Variants in TRIM24 observed in about 807,000 individuals in gnomAD.
TRIM24 encodes tripartite motif containing 24, also known as transcription intermediary factor 1-alpha.
A neutral mutation model predicts 123.9 loss-of-function variants in TRIM24; 29 were observed. That is an observed-to-expected ratio of 0.23 (90% CI 0.17 to 0.32). The LOEUF (loss-of-function observed/expected upper bound fraction) is 0.32, where lower values mean the gene tolerates loss of function less well. Ranked by LOEUF, TRIM24 falls within the 10% of genes least tolerant of loss-of-function variation. The pLI, the probability that TRIM24 is intolerant of heterozygous loss-of-function variation, is 1.00. For missense variants in TRIM24, 932 were observed against 1,295.3 expected, an observed-to-expected ratio of 0.72 and a Z score of 4.31; for synonymous variants, 456 against 461.1, an observed-to-expected ratio of 0.99 and a Z score of 0.14.
At chr7:138,580,933 T>G (rs1350369512) in intron 16 of TRIM24, among the ~76,000 whole-genome samples, 1 of 152,224 alleles carries the variant, frequency 6.6e-6, no homozygotes, top group Non-Finnish European at 1.5e-5. Context: ...AGATGGAATA[T>G]GTACCCTAGA....
intron 5 of TRIM24, among the ~76,000 whole-genome samples, chr7:138,528,170 T>G (rs914142471): frequency 6.6e-6 from 1 of 152,206 alleles, no homozygotes; most frequent in East Asian, 1.9e-4. Flanking sequence ...GGTGTCTAGA[T>G]GGCTACAATC....
At chr7:138,499,752 G>C (rs759898542) in intron 1 of TRIM24, among the ~76,000 whole-genome samples, 45 of 152,016 alleles carry the variant, frequency 3.0e-4, no homozygotes, top group Non-Finnish European at 5.1e-4. Context: ...AGGCAACCTG[G>C]AGCACTGCCC....
At position 138,585,978 on chromosome 7, in the gene TRIM24, A is replaced by C. The variant is rs2116702001; in HGVS notation, c.*1027A>C. 2 of 488,812 alleles carry C rather than the reference A, an allele frequency of 4.1e-6. No individual in the cohort carries two copies. Among genetic ancestry groups the C allele is most frequent in the Non-Finnish European group, 8.2e-6 (2 of 243,916 alleles). 30.3% of individuals were successfully genotyped at this position (488,812 alleles called of 1,614,324 possible). A position where few individuals can be genotyped will look rare whatever the true frequency, so the allele number is the denominator to read the frequency against. On this transcript the variant is annotated 3_prime_UTR_variant, in exon 19 of 19. Transcript: ENST00000343526. Reference sequence around the variant, plus strand: ...GTGTTGTAGGATTTTGGGAGCAGGCAGCTGGGGGGAATTAATAGTGATTTT... The same window carrying C: ...GTGTTGTAGGATTTTGGGAGCAGGCCGCTGGGGGGAATTAATAGTGATTTT...
At position 138,509,019 on chromosome 7, in the gene TRIM24, G is replaced by A. The variant is rs764593283; in HGVS notation, c.483+4611G>A. Among the ~76,000 whole-genome samples the A allele has an allele frequency of 6.6e-5, 10 of 151,864 alleles. No individual in the cohort carries two copies. In the East Asian group the frequency reaches 7.8e-4, roughly 12 times the overall value. The stretch of plus-strand genomic sequence containing the variant: ...GCTGGAGTGCAGTGGCGTGATCTCC[G>A]CCCACTGCAACCTCCTCCTCCCAGG... On this transcript the variant is annotated intron_variant, in intron 2 of 18. Transcript: ENST00000343526.
In TRIM24 at chr7:138,525,235, C is replaced by A. The variant is rs1796584190; in HGVS notation, c.765-6C>A. The A allele has an allele frequency of 2.9e-6, 4 of 1,389,082 alleles. No homozygotes were observed. Among genetic ancestry groups the A allele is most frequent in the Non-Finnish European group, 2.9e-6 (3 of 1,038,698 alleles). The allele number at this position is 1,389,082 out of a possible 1,614,324, so 86.0% of individuals were successfully genotyped here. ...TTTATATGAAATAATTTGCTTATTTCTTCAGATACCAATTTATAGAAGAAG... is the reference window on the plus strand; with the variant it reads ...TTTATATGAAATAATTTGCTTATTTATTCAGATACCAATTTATAGAAGAAG... On this transcript the variant is annotated splice_polypyrimidine_tract_variant and splice_region_variant and intron_variant, in intron 4 of 18. Transcript: ENST00000343526.
intron 7 of TRIM24, among the ~76,000 whole-genome samples, chr7:138,547,042 A>G (rs10227693): frequency 0.78 from 118,256 of 152,108 alleles, 46,207 homozygotes; most frequent in Non-Finnish European, 0.82. Context: ...GTAAGTATTC[A>G]ACAGATAAAT....
chr7:138,538,732 C>T lies in TRIM24; in HGVS notation c.1072C>T (p.His358Tyr). The T allele has an allele frequency of 6.2e-7, 1 of 1,614,028 alleles. No individual in the cohort carries two copies. The highest frequency in any genetic ancestry group is 8.5e-7 in the Non-Finnish European group (1 of 1,179,938). ...GGCTGGACTCTCTAAACAATTGGAGCATGTCATGCATTTTTCTAAATGGGC... is the reference window on the plus strand; with the variant it reads ...GGCTGGACTCTCTAAACAATTGGAGTATGTCATGCATTTTTCTAAATGGGC... ...EVAGLSKQLEHVMHFSKWAVS... is the reference protein window; with the variant it reads ...EVAGLSKQLEYVMHFSKWAVS... The change falls in exon 7 of 19, where the codon CAT (histidine) becomes TAT (tyrosine). Residue 358 changes from histidine (H) to tyrosine (Y), a missense_variant. Coordinates refer to ENST00000343526, the MANE Select transcript of TRIM24 (RefSeq NM_015905.3).
rs192891114 is a variant in TRIM24, at chr7:138,570,863, A to G, written c.1738A>G (p.Thr580Ala). ...QISSGQGTPS[T>A]TNSTSSTPSS... The stretch of plus-strand genomic sequence containing the variant: ...CAGCAGTGGACAGGGAACCCCATCA[A>G]CTACCAACAGCACATCCTCTACTCC... Residue 580 changes from threonine to alanine, a missense_variant, in exon 11 of 19, where the codon ACT becomes GCT. Thr to Ala is a moderately conservative substitution (Grantham distance 58, BLOSUM62 0). This residue lies in a region of TRIM24 where 527 missense variants were observed against 691.3 expected (regional missense o/e 0.76). Transcript: ENST00000343526. 2 of 1,614,086 alleles carry G rather than the reference A, an allele frequency of 1.2e-6. No individual in the cohort carries two copies. Among genetic ancestry groups the G allele is most frequent in the Admixed American group, 3.3e-5 (2 of 60,008 alleles).
chr7:138,477,366 G>C (rs1466958451), intron 1 of TRIM24, among the ~76,000 whole-genome samples: 1 of 152,050 alleles, frequency 6.6e-6, no homozygotes, highest in Admixed American at 6.6e-5. Context: ...GACTGCTAGC[G>C]AGGCAAGAAA....
At chr7:138,508,708 C>CGTGTGTGTGTGTGCGTGT (rs61703393) in intron 2 of TRIM24, among the ~76,000 whole-genome samples, 4 of 136,284 alleles carry the variant, frequency 2.9e-5, no homozygotes, top group South Asian at 5.0e-4. Context: ...CGCGTGTGTG[C>CGTGTGTGTGTGTGCGTGT]GTGTGTGTGT....
intron 1 of TRIM24, among the ~76,000 whole-genome samples, chr7:138,466,088 C>T (rs986505963): frequency 6.6e-6 from 1 of 152,284 alleles, no homozygotes; most frequent in Admixed American, 6.5e-5. Flanking sequence ...ACTGCAACCT[C>T]CACCTCCAGG....
At chr7:138,531,200 T>G (rs557747272) in intron 6 of TRIM24, among the ~76,000 whole-genome samples, 1 of 148,388 alleles carries the variant, frequency 6.7e-6, no homozygotes, top group South Asian at 2.1e-4. Flanking sequence ...TATACATGTA[T>G]ACATGTATAC....
intron 1 of TRIM24, among the ~76,000 whole-genome samples, chr7:138,489,502 T>A (rs932797425): frequency 6.6e-6 from 1 of 152,240 alleles, no homozygotes; most frequent in Non-Finnish European, 1.5e-5. Flanking sequence ...TTCCTTTCCA[T>A]GTTTAGTGCT....
intron 1 of TRIM24, among the ~76,000 whole-genome samples, chr7:138,486,511 G>A (rs1480166026): frequency 6.6e-6 from 1 of 152,114 alleles, no homozygotes; most frequent in Non-Finnish European, 1.5e-5. Flanking sequence ...ATTAATTTTT[G>A]TATAAGGTGT....
chr7:138,509,436 G>A (rs1481802688), intron 2 of TRIM24, among the ~76,000 whole-genome samples: 1 of 150,438 alleles, frequency 6.6e-6, no homozygotes, highest in Non-Finnish European at 1.5e-5. Context: ...AGGCATGGTG[G>A]CTTATGCCTG....
In TRIM24 at chr7:138,508,692, T is replaced by TGTGTGTGCGCGCGC. The variant is rs1422176564; in HGVS notation, c.483+4285_483+4286insTGTGTGCGCGCGCG. On this transcript the variant is annotated intron_variant, in intron 2 of 18. Transcript: ENST00000343526. Reference sequence around the variant, plus strand: ...GTGTGTGTGTGTGTGTGTGTGTGTGTGCGCGCGCGTGTGTGCGTGTGTGTG... The same window carrying TGTGTGTGCGCGCGC: ...GTGTGTGTGTGTGTGTGTGTGTGTGTGTGTGTGCGCGCGCGCGCGCGCGTGTGTGCGTGTGTGTG... Among the ~76,000 whole-genome samples, 110 of 137,276 alleles carry TGTGTGTGCGCGCGC rather than the reference T, an allele frequency of 8.0e-4. 1 individual carries two copies. The highest frequency in any genetic ancestry group is 3.9e-3 in the South Asian group (16 of 4,110). 90.1% of individuals were successfully genotyped at this position (137,276 alleles called of 152,430 possible).
At chr7:138,504,240 T>G (rs769900493) in intron 1 of TRIM24, 50 bp from the exon 2 acceptor site, 1 of 1,242,354 alleles carries the variant, frequency 8.0e-7, no homozygotes, top group Non-Finnish European at 1.1e-6. Flanking sequence ...ATTGGTTAAG[T>G]ACTCAGTATA....
chr7:138,527,095 A>C (rs982677897), intron 5 of TRIM24, among the ~76,000 whole-genome samples: 1 of 151,920 alleles, frequency 6.6e-6, no homozygotes, highest in African/African-American at 2.4e-5. Context: ...TGTTGAAAAA[A>C]CTTTCTGTTG....
At chr7:138,493,749 C>T (rs913090686) in intron 1 of TRIM24, among the ~76,000 whole-genome samples, 6 of 152,114 alleles carry the variant, frequency 3.9e-5, no homozygotes, top group Admixed American at 2.0e-4. Flanking sequence ...ATTCTAGGAA[C>T]GCTGTCCCCA....
Sources: gnomAD v4.1 joint callset for allele counts (sites outside exome capture counted in the v4.1 genomes callset) on GRCh38, gnomAD v4.1.1 for gene constraint, gnomAD v4.1.1 regional missense constraint, MANE v1.5 for transcripts, NCBI Gene and HGNC (gene_info 2026-07-23, HGNC 2026-07-21) for gene names.